RGPD2: variants seen among roughly 807,000 people sequenced by gnomAD.
RGPD2 encodes the protein RANBP2 like and GRIP domain containing 2.
Under a neutral mutation model 36.0 loss-of-function variants are expected in RGPD2, and 2 were observed. The observed-to-expected ratio is 0.06, with a 90% CI of 0.02 to 0.17. The LOEUF (loss-of-function observed/expected upper bound fraction) is 0.17, where lower values mean the gene tolerates loss of function less well. Ranked by LOEUF, RGPD2 falls within the 10% of genes least tolerant of loss-of-function variation. RGPD2 has a pLI of 1.00. For synonymous variants in RGPD2, 19 were observed against 163.8 expected, an observed-to-expected ratio of 0.12 and a Z score of 6.75; for missense variants, 40 against 464.3, an observed-to-expected ratio of 0.09 and a Z score of 8.40.
chr2:87,857,689 A>G, the RGPD2 span, among the ~76,000 whole-genome samples: 2 of 150,818 alleles, frequency 1.3e-5, no homozygotes, highest in African/African-American at 4.9e-5. Context: ...CTGTAATCTC[A>G]GCACTTTGGG....
chr2:87,989,433 G>C, the RGPD2 span, among the ~76,000 whole-genome samples: 1 of 152,082 alleles, frequency 6.6e-6, no homozygotes, highest in Non-Finnish European at 1.5e-5. Flanking sequence ...TAGTTTTAAT[G>C]AGATGACAAA....
chr2:87,872,675 C>A, the RGPD2 span, among the ~76,000 whole-genome samples: 1 of 151,394 alleles, frequency 6.6e-6, no homozygotes, highest in Non-Finnish European at 1.5e-5. Flanking sequence ...TCTCACTCCC[C>A]CAACACCAAG....
the RGPD2 span, among the ~76,000 whole-genome samples, chr2:87,919,823 T>C: frequency 6.6e-6 from 1 of 150,910 alleles, no homozygotes; most frequent in African/African-American, 2.5e-5. Flanking sequence ...GTAATCAACA[T>C]AGCAATTTTT....
the RGPD2 span, among the ~76,000 whole-genome samples, chr2:87,855,080 C>T: frequency 8.3e-3 from 1,262 of 151,874 alleles, no homozygotes; most frequent in East Asian, 0.089. Flanking sequence ...TTCAAGTATA[C>T]GATATGATAT....
At position 87,772,303 on chromosome 2, in the gene RGPD2, TCCA is replaced by T; in HGVS notation, c.5099_5101del (p.Val1700del). The T allele has an allele frequency of 1.2e-6, 1 of 842,480 alleles. No individual in the cohort carries two copies. Among genetic ancestry groups the T allele is most frequent in the East Asian group, 2.7e-5 (1 of 37,268 alleles). The allele number at this position is 842,480 out of a possible 1,614,324, so 52.2% of individuals were successfully genotyped here. On this transcript the variant is annotated inframe_deletion, in exon 22 of 23. Transcript: ENST00000398146. ...CTGCAGCAAGACGTTCTTCAAGTGT[TCCA>T]CGTTAGCTGCAGACTCCTCTTGATT...
the RGPD2 span, among the ~76,000 whole-genome samples, chr2:87,961,517 A>C: frequency 1.3e-5 from 2 of 152,002 alleles, no homozygotes; most frequent in South Asian, 4.2e-4. Flanking sequence ...CCTGGCCAAC[A>C]TGGCGAAAGC....
At chr2:87,959,364 C>G in the RGPD2 span, among the ~76,000 whole-genome samples, 11 of 25,080 alleles carry the variant, frequency 4.4e-4, no homozygotes, top group Non-Finnish European at 8.0e-4. Context: ...CAAAGGAAGA[C>G]AACTTAGTGA....
In RGPD2 at chr2:87,756,912, TCCA is replaced by T. The variant is rs1573989934; in HGVS notation, c.*477_*479del. The T allele has an allele frequency of 1.9e-6, 2 of 1,069,198 alleles. No individual in the cohort carries two copies. The highest frequency in any genetic ancestry group is 2.9e-6 in the Non-Finnish European group (2 of 680,002). The allele number at this position is 1,069,198 out of a possible 1,614,324, so 66.2% of individuals were successfully genotyped here. ...TGGCATCACCTGTCAAAAATGGAGTTCCACTTCTCCCCGCAGACCTAGGTCAGA... is the reference window on the plus strand; with the variant it reads ...TGGCATCACCTGTCAAAAATGGAGTTCTTCTCCCCGCAGACCTAGGTCAGA... On this transcript the variant is annotated 3_prime_UTR_variant, in exon 23 of 23. Transcript: ENST00000398146.
At chr2:87,983,187 G>A in the RGPD2 span, among the ~76,000 whole-genome samples, 3 of 152,142 alleles carry the variant, frequency 2.0e-5, no homozygotes, top group South Asian at 2.1e-4. Context: ...AGGCGTGGAA[G>A]TGCATGCCTG....
chr2:87,914,222 TCTTAC>T, the RGPD2 span, among the ~76,000 whole-genome samples: 1 of 127,536 alleles, frequency 7.8e-6, no homozygotes, highest in African/African-American at 3.0e-5. Flanking sequence ...TATATATTAC[TCTTAC>T]CTTATCTTCA....
chr2:87,872,850 C>A, the RGPD2 span, among the ~76,000 whole-genome samples: 1 of 151,866 alleles, frequency 6.6e-6, no homozygotes, highest in Non-Finnish European at 1.5e-5. Flanking sequence ...ACCTCTGCTT[C>A]CCGGGTTCAA....
chr2:87,919,932 G>T, the RGPD2 span, among the ~76,000 whole-genome samples: 1 of 151,762 alleles, frequency 6.6e-6, no homozygotes, highest in Admixed American at 6.6e-5. Context: ...TGGTAAATCA[G>T]GCACTTAATG....
At chr2:87,808,867 A>G (rs2104338200) in intron 6 of RGPD2, among the ~76,000 whole-genome samples, 2 of 38,574 alleles carry the variant, frequency 5.2e-5, no homozygotes, top group Middle Eastern at 5.9e-3. Flanking sequence ...AAACACTGAC[A>G]GAAATAACCC....
chr2:87,856,836 A>AT, the RGPD2 span, among the ~76,000 whole-genome samples: 5 of 151,708 alleles, frequency 3.3e-5, no homozygotes, highest in Admixed American at 6.6e-5. Flanking sequence ...GTGCAGACGA[A>AT]TTTTTTCACT....
the RGPD2 span, among the ~76,000 whole-genome samples, chr2:87,903,365 A>G: frequency 6.6e-6 from 1 of 152,110 alleles, no homozygotes; most frequent in Non-Finnish European, 1.5e-5. Context: ...CCCACGGGAA[A>G]GATTTGCAGT....
the RGPD2 span, among the ~76,000 whole-genome samples, chr2:87,935,348 A>T: frequency 6.6e-6 from 1 of 151,350 alleles, no homozygotes; most frequent in Non-Finnish European, 1.5e-5. Context: ...GAGAAAAATC[A>T]TGAAACAGTA....
At chr2:87,915,400 T>TG in the RGPD2 span, among the ~76,000 whole-genome samples, 1 of 142,376 alleles carries the variant, frequency 7.0e-6, no homozygotes, top group South Asian at 2.1e-4. Context: ...TATATGTATA[T>TG]TATATATATT....
At chr2:87,805,710 A>T (rs1320793342) in intron 7 of RGPD2, among the ~76,000 whole-genome samples, 1 of 151,582 alleles carries the variant, frequency 6.6e-6, no homozygotes, top group Admixed American at 6.6e-5. Context: ...ATACAAAAAA[A>T]TTAGCCAGGC....
chr2:87,905,451 TA>T, the RGPD2 span, among the ~76,000 whole-genome samples: 2 of 151,882 alleles, frequency 1.3e-5, no homozygotes, highest in African/African-American at 4.8e-5. Context: ...AAAAACAAAA[TA>T]AGACAAAAAC....
Sources: gnomAD v4.1 joint callset for allele counts (sites outside exome capture counted in the v4.1 genomes callset) on GRCh38, gnomAD v4.1.1 for gene constraint, MANE v1.5 for transcripts, NCBI Gene and HGNC (gene_info 2026-07-23, HGNC 2026-07-21) for gene names.